The following SLC41A3 variants were observed in gnomAD, a reference collection of about 807,000 sequenced individuals.
SLC41A3 encodes the protein SLC41A1-like 2.
A neutral mutation model predicts 45.4 loss-of-function variants in SLC41A3; 44 were observed. The observed-to-expected ratio is 0.97, with a 90% CI of 0.76 to 1.25. The LOEUF (loss-of-function observed/expected upper bound fraction) is 1.25. SLC41A3 is among the 50% of genes most tolerant of loss of function. The pLI, the probability that SLC41A3 is intolerant of heterozygous loss-of-function variation, is 0.00. For synonymous variants in SLC41A3, 256 were observed against 252.4 expected, an observed-to-expected ratio of 1.01 and a Z score of -0.13; for missense variants, 550 against 600.6, an observed-to-expected ratio of 0.92 and a Z score of 0.88.
At chr3:126,047,790 A>G (rs892162164) in intron 3 of SLC41A3, among the ~76,000 whole-genome samples, 3 of 152,244 alleles carry the variant, frequency 2.0e-5, no homozygotes, top group Admixed American at 6.5e-5. Flanking sequence ...CAAAAGTCTC[A>G]AAAGAAAACA....
At chr3:126,043,913 G>A (rs1000282866) in intron 3 of SLC41A3, among the ~76,000 whole-genome samples, 4 of 151,094 alleles carry the variant, frequency 2.6e-5, no homozygotes, top group Admixed American at 2.0e-4. Context: ...AAATAAAATT[G>A]CAACGGTAAG....
intron 3 of SLC41A3, among the ~76,000 whole-genome samples, chr3:126,050,696 T>G (rs933624542): frequency 6.9e-6 from 1 of 144,208 alleles, no homozygotes; most frequent in Non-Finnish European, 1.5e-5. Context: ...CCCACTGACA[T>G]TTAGGTCAAA....
At chr3:126,045,812 G>GA (rs34268597) in intron 3 of SLC41A3, among the ~76,000 whole-genome samples, 107,296 of 151,858 alleles carry the variant, frequency 0.71, 38,093 homozygotes, top group East Asian at 0.82. Context: ...GACACTAGAA[G>GA]AAAAACTACA....
intron 3 of SLC41A3, 69 bp downstream of exon 3, chr3:126,050,874 G>A (rs1211692082): frequency 6.5e-7 from 1 of 1,534,462 alleles, no homozygotes; most frequent in Non-Finnish European, 8.8e-7. Flanking sequence ...ACAAGCCAGG[G>A]GAGACCAGGT....
chr3:126,083,072 G>C (rs892670541), intron 1 of SLC41A3, among the ~76,000 whole-genome samples: 1 of 152,224 alleles, frequency 6.6e-6, no homozygotes, highest in Non-Finnish European at 1.5e-5. Context: ...GTGTAGGGCT[G>C]TGAAGATTAA....
intron 1 of SLC41A3, among the ~76,000 whole-genome samples, chr3:126,072,692 T>C (rs1481090231): frequency 6.6e-6 from 1 of 152,200 alleles, no homozygotes; most frequent in Non-Finnish European, 1.5e-5. Flanking sequence ...AGTTCAGCCA[T>C]TGTGGAAAGC....
chr3:126,044,753 G>A (rs977936772), intron 3 of SLC41A3, among the ~76,000 whole-genome samples: 9 of 151,446 alleles, frequency 5.9e-5, no homozygotes, highest in Non-Finnish European at 1.2e-4. Context: ...AAAATTAGCC[G>A]GGCGTAGTGG....
intron 1 of SLC41A3, among the ~76,000 whole-genome samples, chr3:126,078,712 G>A (rs1301851621): frequency 6.6e-6 from 1 of 152,132 alleles, no homozygotes; most frequent in Non-Finnish European, 1.5e-5. Flanking sequence ...AATTAAAAGA[G>A]CACCAGAAAG....
chr3:126,083,810 G>A (rs1380771525), intron 1 of SLC41A3: 1 of 148,766 alleles, frequency 6.7e-6, no homozygotes, highest in East Asian at 2.0e-4. Context: ...GCCTCCCCGA[G>A]GCGTGGCCTA....
At chr3:126,041,985 A>C (rs569814577) in intron 3 of SLC41A3, among the ~76,000 whole-genome samples, 1 of 152,160 alleles carries the variant, frequency 6.6e-6, no homozygotes, top group African/African-American at 2.4e-5. Context: ...AGCATGGTGC[A>C]GTTGGGAGGA....
intron 1 of SLC41A3, among the ~76,000 whole-genome samples, chr3:126,069,478 C>A (rs558245008): frequency 2.0e-5 from 3 of 152,208 alleles, no homozygotes; most frequent in South Asian, 4.1e-4. Flanking sequence ...AAAATCACTA[C>A]GCAAACAACA....
chr3:126,041,619 T>C (rs1009535214), intron 3 of SLC41A3, among the ~76,000 whole-genome samples: 1 of 152,218 alleles, frequency 6.6e-6, no homozygotes. Flanking sequence ...TGGCATTCAA[T>C]GGTAAGGAAA....
intron 6 of SLC41A3, among the ~76,000 whole-genome samples, chr3:126,022,553 C>T (rs1456238507): frequency 6.6e-6 from 1 of 152,234 alleles, no homozygotes; most frequent in Non-Finnish European, 1.5e-5. Flanking sequence ...CAGTCCCACT[C>T]CCATGATAAC....
rs180716808 is a variant in SLC41A3, at chr3:126,070,223, T to C, written c.-27-1977A>G. The C allele has an allele frequency of 4.6e-5, 7 of 152,062 alleles. No homozygotes were observed. The East Asian group carries it at 1.4e-3, about 29-fold the overall frequency. 9.4% of individuals were successfully genotyped at this position (152,062 alleles called of 1,614,324 possible). ...TACAAGAGATCCTTTAGAGCAGGGG[T>C]CCCCAACCCCCGTTGGGAACTGGGC... On this transcript the variant is annotated intron_variant, in intron 1 of 10. Coordinates refer to ENST00000360370, the MANE Select transcript of SLC41A3 (RefSeq NM_017836.4).
chr3:126,084,408 C>G (rs918491785), upstream of SLC41A3: 2 of 152,280 alleles, frequency 1.3e-5, no homozygotes, highest in Admixed American at 6.5e-5. Context: ...GGGAGAGGCG[C>G]CTATGCGGCT....
At chr3:126,019,352 A>C (rs1940625851) in intron 6 of SLC41A3, among the ~76,000 whole-genome samples, 1 of 152,174 alleles carries the variant, frequency 6.6e-6, no homozygotes, top group Non-Finnish European at 1.5e-5. Context: ...CCCACTTTTC[A>C]ATACTGCCAC....
intron 3 of SLC41A3, among the ~76,000 whole-genome samples, chr3:126,044,013 CAA>C (rs1291690768): frequency 6.6e-6 from 1 of 151,904 alleles, no homozygotes; most frequent in African/African-American, 2.4e-5. Flanking sequence ...AAGAACAAAA[CAA>C]AACAAAAAAC....
In SLC41A3 at chr3:126,045,059, A is replaced by G. The variant is rs530267802; in HGVS notation, c.381+5884T>C. ...CCAGTGGGTCCAAAAAAAAATTCCA[A>G]AGTAAATTAGAAAATATCTCAAGAC... is the stretch of plus-strand genomic sequence containing the variant. On this transcript the variant is annotated intron_variant, in intron 3 of 10. Coordinates refer to ENST00000360370, the MANE Select transcript of SLC41A3 (RefSeq NM_017836.4). Among the ~76,000 whole-genome samples the G allele has an allele frequency of 2.8e-4, 43 of 152,194 alleles. No individual in the cohort carries two copies. The South Asian group carries it at 8.1e-3, about 29-fold the overall frequency.
At chr3:126,063,764 A>G (rs979680598) in intron 2 of SLC41A3, among the ~76,000 whole-genome samples, 1 of 152,112 alleles carries the variant, frequency 6.6e-6, no homozygotes, top group Non-Finnish European at 1.5e-5. Context: ...TTCCTTCTTG[A>G]AATATAGAGC....
Sources: gnomAD v4.1 joint callset for allele counts (sites outside exome capture counted in the v4.1 genomes callset) on GRCh38, gnomAD v4.1.1 for gene constraint, MANE v1.5 for transcripts, NCBI Gene and HGNC (gene_info 2026-07-23, HGNC 2026-07-21) for gene names.